The following IMPA1 variants were observed in gnomAD, a reference collection of about 807,000 sequenced individuals.
IMPA1 encodes D-galactose 1-phosphate phosphatase.
A neutral mutation model predicts 34.9 loss-of-function variants in IMPA1; 21 were observed. That is an observed-to-expected ratio of 0.60 (90% confidence interval 0.43 to 0.87). IMPA1 has a LOEUF of 0.87. Among genes scored for constraint, IMPA1 ranks in the 40% least tolerant of loss-of-function variants. The probability of loss-of-function intolerance (pLI) is 0.00; values close to 1 mark genes in which losing one functional copy is unlikely to be tolerated. For synonymous variants in IMPA1, 95 were observed against 104.4 expected (o/e 0.91, Z 0.55); for missense variants, 299 against 336.4 (o/e 0.89, Z 0.87).
chr8:81,682,615 C>G (rs1003389055), intron 1 of IMPA1, among the ~76,000 whole-genome samples: 9 of 152,108 alleles, frequency 5.9e-5, no homozygotes, highest in African/African-American at 1.9e-4. Flanking sequence ...TCAAGCTCTT[C>G]AAGAATTGTT....
At chr8:81,671,443 A>T (rs1216022557) in intron 6 of IMPA1, among the ~76,000 whole-genome samples, 1 of 152,186 alleles carries the variant, frequency 6.6e-6, no homozygotes, top group Non-Finnish European at 1.5e-5. Flanking sequence ...AAATTCTCTG[A>T]CATCCATTTA....
Position 81,660,571 on chromosome 8 carries a change from A to G in IMPA1, c.663T>C (p.Val221=). ...YYEMGIHCWD[V]AGAGIIVTEA... ...CAGTAACAATAATGCCAGCTCCTGC[A>G]ACATCCCAGCAGTGAATTCCCATTT... Residue 221 remains valine (V), a synonymous_variant, in exon 8 of 9, where the codon GTT becomes GTC. Coordinates refer to ENST00000256108, the MANE Select transcript of IMPA1 (RefSeq NM_005536.4). 1 of 1,613,996 alleles carries G rather than the reference A, an allele frequency of 6.2e-7. No homozygotes were observed. Among genetic ancestry groups the G allele is most frequent in the Non-Finnish European group, 8.5e-7 (1 of 1,179,872 alleles).
At chr8:81,682,234 A>G (rs1792739887) in intron 1 of IMPA1, among the ~76,000 whole-genome samples, 1 of 152,164 alleles carries the variant, frequency 6.6e-6, no homozygotes, top group Admixed American at 6.5e-5. Flanking sequence ...TTTGTGTTCT[A>G]AACTGTCCAG....
chr8:81,685,143 A>AAATATATAGTATATTATAT (rs1807465252), intron 1 of IMPA1, among the ~76,000 whole-genome samples: 2 of 135,150 alleles, frequency 1.5e-5, no homozygotes, highest in Non-Finnish European at 3.0e-5. Flanking sequence ...TACTATATAT[A>AAATATATAGTATATTATAT]GTATATATAC....
In IMPA1 at chr8:81,658,617, C is replaced by T. The variant is rs907149864; in HGVS notation, c.*734G>A. 2.0e-5 allele frequency: 3 copies of T among 152,538 alleles called. No homozygotes were observed. Among genetic ancestry groups the T allele is most frequent in the Non-Finnish European group, 4.4e-5 (3 of 67,998 alleles). The allele number at this position is 152,538 out of a possible 1,614,324, so 9.4% of individuals were successfully genotyped here. ...TTAACTGTTTTGGAAAATGTATTCA[C>T]TGCAGAAATGCCCACAATAAGCCAT... On this transcript the variant is annotated 3_prime_UTR_variant, in exon 9 of 9. Coordinates refer to ENST00000256108, the MANE Select transcript of IMPA1 (RefSeq NM_005536.4).
chr8:81,663,379 C>T (rs1806731864), intron 7 of IMPA1, among the ~76,000 whole-genome samples: 1 of 152,142 alleles, frequency 6.6e-6, no homozygotes, highest in Non-Finnish European at 1.5e-5. Flanking sequence ...ATGCATAGTA[C>T]ATAATTAGTT....
rs1009012304 is a variant in IMPA1, at chr8:81,660,604, T to C, written c.630A>G (p.Ala210=). 6.2e-7 allele frequency: 1 copy of C among 1,613,406 alleles called. No homozygotes were observed. ...MCLVATGGAD[A]YYEMGIHCWD... is the part of the protein sequence containing the mutation. ...AGCAGTGAATTCCCATTTCATAATA[T>C]GCATCTGCTCCGCCAGTTGCCACAA... Residue 210 remains alanine, a synonymous_variant, in exon 8 of 9, where the codon GCA becomes GCG. Coordinates refer to ENST00000256108, the MANE Select transcript of IMPA1 (RefSeq NM_005536.4).
chr8:81,659,254 T>A lies in IMPA1; in HGVS notation c.*97A>T. On this transcript the variant is annotated 3_prime_UTR_variant, in exon 9 of 9. Transcript: ENST00000256108. ...AAATTTTTGACCTGGACAAAGAGAA[T>A]TTAAACCAAGCATATCATACATCCA... 1 of 751,882 alleles carries A rather than the reference T, an allele frequency of 1.3e-6. No individual in the cohort carries two copies. 46.6% of individuals were successfully genotyped at this position (751,882 alleles called of 1,614,324 possible).
chr8:81,672,886 A>G (rs531266233), intron 6 of IMPA1, among the ~76,000 whole-genome samples: 91 of 152,344 alleles, frequency 6.0e-4, no homozygotes, highest in Admixed American at 5.9e-3. Context: ...AATTCTATAA[A>G]GAATTTTAGA....
At chr8:81,665,986 C>T (rs1320186180) in intron 7 of IMPA1, among the ~76,000 whole-genome samples, 1 of 152,140 alleles carries the variant, frequency 6.6e-6, no homozygotes, top group Non-Finnish European at 1.5e-5. Flanking sequence ...TAAAAAGGTG[C>T]CTGCAACACT....
rs553113932 is a variant in IMPA1, at chr8:81,680,131, T to G, written c.197+519A>C. ...GCCTGCCTGACAGAGCGTGTCTCCGTCTAAAAAAAAAAAAAAAAAGGTCAC... is the reference window on the plus strand; with the variant it reads ...GCCTGCCTGACAGAGCGTGTCTCCGGCTAAAAAAAAAAAAAAAAAGGTCAC... On this transcript the variant is annotated intron_variant, in intron 3 of 8. Transcript: ENST00000256108. 5.4e-5 allele frequency among the ~76,000 whole-genome samples: 6 copies of G among 111,012 alleles called. No homozygotes were observed. The South Asian group carries it at 1.7e-3, about 31-fold the overall frequency. 72.8% of individuals were successfully genotyped at this position (111,012 alleles called of 152,430 possible). A position where few individuals can be genotyped will look rare whatever the true frequency, so the allele number is the denominator to read the frequency against.
intron 7 of IMPA1, among the ~76,000 whole-genome samples, chr8:81,665,453 A>G (rs997096886): frequency 6.6e-6 from 1 of 152,182 alleles, no homozygotes; most frequent in African/African-American, 2.4e-5. Flanking sequence ...AGGAAAAGCA[A>G]TAAAAGAAAG....
At chr8:81,664,699 A>G (rs1806771112) in intron 7 of IMPA1, among the ~76,000 whole-genome samples, 1 of 152,018 alleles carries the variant, frequency 6.6e-6, no homozygotes, top group Non-Finnish European at 1.5e-5. Flanking sequence ...GAAACAAGTG[A>G]AGGAAAAGTA....
At chr8:81,679,668 C>T (rs28708939) in intron 3 of IMPA1, among the ~76,000 whole-genome samples, 16,708 of 151,170 alleles carry the variant, frequency 0.11, 976 homozygotes, top group Middle Eastern at 0.16. Context: ...TCTATTGTTG[C>T]TTCTTCTTCC....
rs932311299 is a variant in IMPA1, at chr8:81,658,697, T to A, written c.*654A>T. The A allele has an allele frequency of 6.6e-6, 1 of 152,590 alleles. No individual in the cohort carries two copies. Among genetic ancestry groups the A allele is most frequent in the Non-Finnish European group, 1.5e-5 (1 of 68,022 alleles). 9.5% of individuals were successfully genotyped at this position (152,590 alleles called of 1,614,324 possible). The stretch of plus-strand genomic sequence containing the variant: ...GCATGGTAACGTGAAATAAAAAAAA[T>A]TTAACTAGATAATTTTTACTTCAAA... On this transcript the variant is annotated 3_prime_UTR_variant, in exon 9 of 9. Coordinates refer to ENST00000256108, the MANE Select transcript of IMPA1 (RefSeq NM_005536.4).
chr8:81,677,019 C>G (rs150119), intron 4 of IMPA1, among the ~76,000 whole-genome samples: 4 of 151,870 alleles, frequency 2.6e-5, no homozygotes, highest in Admixed American at 2.6e-4. Context: ...AATGTAAAAA[C>G]TTTTAAATCA....
intron 1 of IMPA1, among the ~76,000 whole-genome samples, chr8:81,681,792 T>C (rs1158071189): frequency 6.6e-6 from 1 of 152,218 alleles, no homozygotes; most frequent in Non-Finnish European, 1.5e-5. Context: ...AAGACTATTC[T>C]ATGAAATTGC....
intron 7 of IMPA1, among the ~76,000 whole-genome samples, chr8:81,663,679 T>C (rs1563580940): frequency 1.3e-5 from 2 of 152,246 alleles, no homozygotes; most frequent in Admixed American, 1.3e-4. Flanking sequence ...TTATTTACAT[T>C]CACCAGATTT....
chr8:81,685,647 G>C (rs919413334), intron 1 of IMPA1: 27 of 337,612 alleles, frequency 8.0e-5, no homozygotes, highest in African/African-American at 4.2e-4. Flanking sequence ...TATATATAAA[G>C]TATATAAGTA....
Sources: gnomAD v4.1 joint callset for allele counts (sites outside exome capture counted in the v4.1 genomes callset) on GRCh38, gnomAD v4.1.1 for gene constraint, MANE v1.5 for transcripts, NCBI Gene and HGNC (gene_info 2026-07-23, HGNC 2026-07-21) for gene names.